Variants in NDRG1 observed in about 807,000 individuals in gnomAD.
NDRG1 encodes the protein N-myc downstream regulated 1.
Under a neutral mutation model 56.9 loss-of-function variants are expected in NDRG1, and 32 were observed. The ratio of observed to expected loss-of-function variants is 0.56; its 90% CI spans 0.42 to 0.76. The LOEUF is 0.76. Among genes scored for constraint, NDRG1 ranks in the 30% least tolerant of loss-of-function variants. The probability of loss-of-function intolerance (pLI) is 0.00; values close to 1 mark genes in which losing one functional copy is unlikely to be tolerated. For synonymous variants in NDRG1, 211 were observed against 204.1 expected (o/e 1.03, Z -0.29); for missense variants, 507 against 545.7 (o/e 0.93, Z 0.71).
At chr8:133,258,534 A>C in intron 6 of NDRG1, 108 bp from the exon 7 acceptor site, 2 of 1,074,908 alleles carry the variant, frequency 1.9e-6, no homozygotes, top group Non-Finnish European at 2.8e-6. Context: ...GCAATGCGGG[A>C]GCATGCTGCC....
At chr8:133,271,406 C>A (rs1857178040) in intron 3 of NDRG1, among the ~76,000 whole-genome samples, 1 of 152,156 alleles carries the variant, frequency 6.6e-6, no homozygotes, top group African/African-American at 2.4e-5. Context: ...CCTGCCCCCT[C>A]CCCACCATCT....
At chr8:133,274,296 A>AGT (rs900496843) in intron 3 of NDRG1, among the ~76,000 whole-genome samples, 2 of 152,238 alleles carry the variant, frequency 1.3e-5, no homozygotes, top group Admixed American at 1.3e-4. Context: ...CTCTGGGCTC[A>AGT]GTGTGTGTGT....
At chr8:133,275,362 G>T (rs930711486) in intron 3 of NDRG1, among the ~76,000 whole-genome samples, 1 of 152,146 alleles carries the variant, frequency 6.6e-6, no homozygotes, top group Admixed American at 6.5e-5. Flanking sequence ...CTCAAATATT[G>T]TGACTTACTG....
At chr8:133,269,910 C>G (rs1006362072) in intron 3 of NDRG1, among the ~76,000 whole-genome samples, 14 of 152,244 alleles carry the variant, frequency 9.2e-5, no homozygotes, top group Non-Finnish European at 2.1e-4. Flanking sequence ...CACCTGCCCC[C>G]AAACTGCACG....
intron 3 of NDRG1, among the ~76,000 whole-genome samples, chr8:133,273,555 T>C (rs977748059): frequency 6.6e-6 from 1 of 152,148 alleles, no homozygotes; most frequent in African/African-American, 2.4e-5. Context: ...TGCAGGAAAA[T>C]AGCCCAGCAC....
At chr8:133,276,766 T>C (rs1160174921) in intron 3 of NDRG1, among the ~76,000 whole-genome samples, 3 of 152,204 alleles carry the variant, frequency 2.0e-5, no homozygotes, top group Non-Finnish European at 4.4e-5. Context: ...TCTTTATAAA[T>C]TACCCAGTTT....
chr8:133,246,792 T>C (rs1855708494), intron 12 of NDRG1, 129 bp from the exon 13 acceptor site: 2 of 868,822 alleles, frequency 2.3e-6, no homozygotes, highest in Non-Finnish European at 1.9e-6. Flanking sequence ...AGAAAGTATG[T>C]GGAGTTATTG....
intron 4 of NDRG1, among the ~76,000 whole-genome samples, chr8:133,263,158 T>C (rs1856741202): frequency 6.6e-6 from 1 of 152,142 alleles, no homozygotes; most frequent in African/African-American, 2.4e-5. Context: ...TGAGATAGTG[T>C]AAATCAAAAT....
chr8:133,271,149 CT>C (rs1857166047), intron 3 of NDRG1, among the ~76,000 whole-genome samples: 1 of 152,200 alleles, frequency 6.6e-6, no homozygotes, highest in Non-Finnish European at 1.5e-5. Context: ...CCAGCAGGCC[CT>C]GGGCAGATGC....
chr8:133,241,910 C>T, intron 15 of NDRG1, 113 bp downstream of exon 15: 1 of 1,273,298 alleles, frequency 7.9e-7, no homozygotes, highest in Non-Finnish European at 1.1e-6. Context: ...TCCCAGAAAG[C>T]TGAAGCTGGC....
intron 1 of NDRG1, among the ~76,000 whole-genome samples, chr8:133,295,319 A>T (rs1321001433): frequency 6.6e-6 from 1 of 152,238 alleles, no homozygotes; most frequent in Non-Finnish European, 1.5e-5. Context: ...CAGGGCAGGC[A>T]AATCCTCCTC....
intron 2 of NDRG1, 143 bp downstream of exon 2, chr8:133,284,106 T>A: frequency 1.3e-6 from 1 of 759,912 alleles, no homozygotes; most frequent in Non-Finnish European, 2.3e-6. Flanking sequence ...TGCAGCATGT[T>A]TGTATGCCGT....
intron 5 of NDRG1, 44 bp from the exon 6 acceptor site, chr8:133,259,274 A>G (rs763601120): frequency 9.6e-5 from 152 of 1,590,870 alleles, no homozygotes; most frequent in Non-Finnish European, 1.3e-4. Context: ...CCCGGACAGA[A>G]ACGGGTAATC....
intron 4 of NDRG1, among the ~76,000 whole-genome samples, chr8:133,263,776 C>T (rs189786159): frequency 2.0e-5 from 3 of 151,956 alleles, no homozygotes; most frequent in East Asian, 1.9e-4. Flanking sequence ...ATTAGTCAGG[C>T]GTGGTGGTGG....
At chr8:133,248,274 C>T (rs773380235) in intron 11 of NDRG1, among the ~76,000 whole-genome samples, 1 of 152,196 alleles carries the variant, frequency 6.6e-6, no homozygotes, top group Non-Finnish European at 1.5e-5. Context: ...AAGTGTCACA[C>T]AACGCGGTGC....
chr8:133,256,656 G>T (rs569446168), intron 8 of NDRG1, 121 bp downstream of exon 8: 3 of 880,564 alleles, frequency 3.4e-6, no homozygotes, highest in African/African-American at 1.7e-5. Context: ...GGGCAGTAGA[G>T]GGTAGTGGAG....
intron 15 of NDRG1, chr8:133,241,253 C>T (rs1377092588): frequency 6.5e-6 from 1 of 153,058 alleles, no homozygotes; most frequent in Non-Finnish European, 1.5e-5. Flanking sequence ...AGGCCCACAG[C>T]ACTGAGTGTG....
chr8:133,271,226 G>A (rs1857171208), intron 3 of NDRG1, among the ~76,000 whole-genome samples: 1 of 152,114 alleles, frequency 6.6e-6, no homozygotes, highest in African/African-American at 2.4e-5. Context: ...TGGGCTTGGT[G>A]ACCCTCCCTC....
intron 3 of NDRG1, among the ~76,000 whole-genome samples, chr8:133,274,184 A>C (rs1322743019): frequency 6.6e-6 from 1 of 152,250 alleles, no homozygotes; most frequent in Non-Finnish European, 1.5e-5. Flanking sequence ...AGTGATGGAG[A>C]GATAAGGCCT....
Sources: allele counts gnomAD v4.1 joint callset (sites outside exome capture counted in the v4.1 genomes callset), GRCh38; gene constraint gnomAD v4.1.1; transcripts MANE v1.5; gene names NCBI Gene and HGNC (gene_info 2026-07-23, HGNC 2026-07-21).